The following PDE7B variants were observed in gnomAD, a reference collection of about 807,000 sequenced individuals.
PDE7B encodes phosphodiesterase 7B.
PDE7B carries 29 observed loss-of-function variants against 56.2 expected under a neutral mutation model. The ratio of observed to expected loss-of-function variants is 0.52; its 90% CI spans 0.38 to 0.70. PDE7B has a LOEUF of 0.70. PDE7B is among the 30% of genes least tolerant of loss of function. The probability of loss-of-function intolerance (pLI) is 0.00; values close to 1 mark genes in which losing one functional copy is unlikely to be tolerated. For synonymous variants in PDE7B, 197 were observed against 196.9 expected, an observed-to-expected ratio of 1.00 and a Z score of 0.00; for missense variants, 490 against 565.0, an observed-to-expected ratio of 0.87 and a Z score of 1.35.
chr6:135,925,939 G>A (rs886553299), intron 1 of PDE7B, among the ~76,000 whole-genome samples: 5 of 152,030 alleles, frequency 3.3e-5, no homozygotes, highest in African/African-American at 1.2e-4. Context: ...CCCATCGCTA[G>A]GTTCATGGCT....
At chr6:136,151,374 T>C in intron 6 of PDE7B, 119 bp downstream of exon 6, 1 of 581,772 alleles carries the variant, frequency 1.7e-6, no homozygotes, top group Non-Finnish European at 3.1e-6. Flanking sequence ...CAATTAATCT[T>C]AAATGGTCTC....
chr6:135,958,340 G>C (rs1477924754), intron 2 of PDE7B, among the ~76,000 whole-genome samples: 1 of 152,088 alleles, frequency 6.6e-6, no homozygotes, highest in Non-Finnish European at 1.5e-5. Flanking sequence ...AGTCCATCTA[G>C]GAATCTTTGT....
At chr6:135,967,433 C>T (rs1287355673) in intron 2 of PDE7B, among the ~76,000 whole-genome samples, 1 of 152,146 alleles carries the variant, frequency 6.6e-6, no homozygotes, top group Non-Finnish European at 1.5e-5. Flanking sequence ...GTTGAGTGAA[C>T]CACATTTTTC....
intron 12 of PDE7B, among the ~76,000 whole-genome samples, chr6:136,190,679 C>A (rs780455103): frequency 6.6e-6 from 1 of 152,014 alleles, no homozygotes; most frequent in African/African-American, 2.4e-5. Context: ...AGCACATTAA[C>A]GCGGCAAAAC....
intron 2 of PDE7B, among the ~76,000 whole-genome samples, chr6:136,050,993 T>G (rs866012753): frequency 2.6e-5 from 4 of 152,114 alleles, no homozygotes; most frequent in African/African-American, 9.7e-5. Context: ...CCCAAATAAG[T>G]CAATAGTTAG....
chr6:135,999,726 G>A (rs1184673248), intron 2 of PDE7B, among the ~76,000 whole-genome samples: 1 of 151,482 alleles, frequency 6.6e-6, no homozygotes, highest in Non-Finnish European at 1.5e-5. Flanking sequence ...ATGAACATAT[G>A]CATGCATGTG....
chr6:135,865,135 AATG>A (rs781469341), intron 1 of PDE7B, among the ~76,000 whole-genome samples: 34 of 152,166 alleles, frequency 2.2e-4, no homozygotes, highest in Non-Finnish European at 4.1e-4. Flanking sequence ...AGCCATAAAA[AATG>A]ATGAGTTCAT....
At chr6:136,021,454 G>A (rs958704717) in intron 2 of PDE7B, among the ~76,000 whole-genome samples, 8 of 152,048 alleles carry the variant, frequency 5.3e-5, no homozygotes, top group Admixed American at 3.3e-4. Flanking sequence ...AGACCAGCCT[G>A]GCCAACATGA....
At chr6:136,120,149 A>G (rs758208921) in intron 3 of PDE7B, among the ~76,000 whole-genome samples, 21 of 152,228 alleles carry the variant, frequency 1.4e-4, no homozygotes, top group Non-Finnish European at 2.6e-4. Flanking sequence ...TTCCCATTTA[A>G]GAAGGGCATA....
At chr6:136,071,278 A>G (rs1668625883) in intron 2 of PDE7B, 1 of 152,196 alleles carries the variant, frequency 6.6e-6, no homozygotes, top group African/African-American at 2.4e-5. Flanking sequence ...GCCAGTCAAG[A>G]TGGTTCAGTT....
chr6:136,083,889 C>T (rs540678124), intron 2 of PDE7B, among the ~76,000 whole-genome samples: 2 of 152,048 alleles, frequency 1.3e-5, no homozygotes, highest in Non-Finnish European at 2.9e-5. Context: ...AGACATAGCT[C>T]CCTAATATCA....
chr6:136,131,117 G>T (rs1415755767), intron 3 of PDE7B, among the ~76,000 whole-genome samples: 2 of 152,158 alleles, frequency 1.3e-5, no homozygotes, highest in African/African-American at 4.8e-5. Context: ...ATATTTATTG[G>T]TGGAGGCTTC....
chr6:136,000,601 A>G (rs1775648057), intron 2 of PDE7B, among the ~76,000 whole-genome samples: 1 of 152,046 alleles, frequency 6.6e-6, no homozygotes, highest in Non-Finnish European at 1.5e-5. Context: ...TGTTCCATGT[A>G]TCTATGTATC....
At chr6:136,190,705 CAAATCTT>C (rs1428186264) in intron 12 of PDE7B, among the ~76,000 whole-genome samples, 1 of 152,064 alleles carries the variant, frequency 6.6e-6, no homozygotes, top group African/African-American at 2.4e-5. Flanking sequence ...TAGAAAGTAA[CAAATCTT>C]AAATATGTAA....
chr6:135,951,553 C>T lies in PDE7B; in HGVS notation c.82+4029C>T, dbSNP rs149213304. Among the ~76,000 whole-genome samples, 1,013 of 152,160 alleles carry T rather than the reference C, an allele frequency of 6.7e-3. 9 individuals carry two copies. Among genetic ancestry groups the T allele is most frequent in the African/African-American group, 0.023 (950 of 41,516 alleles). On this transcript the variant is annotated intron_variant, in intron 2 of 12. Transcript: ENST00000308191. ...CATTTGTGAACCTTGCTCTGTGAAA[C>T]GATAAATCATGGGAAAAGAAACTTT...
intron 1 of PDE7B, among the ~76,000 whole-genome samples, chr6:135,942,859 TTG>T (rs145548777): frequency 1.3e-5 from 2 of 151,318 alleles, no homozygotes; most frequent in African/African-American, 2.4e-5. Context: ...TAATATTCCA[TTG>T]TGTGTGTGTG....
intron 3 of PDE7B, among the ~76,000 whole-genome samples, chr6:136,142,294 G>C (rs1778339626): frequency 6.6e-6 from 1 of 152,150 alleles, no homozygotes; most frequent in African/African-American, 2.4e-5. Flanking sequence ...CTGAGTTCTA[G>C]TTTGATTGCA....
intron 1 of PDE7B, among the ~76,000 whole-genome samples, chr6:135,919,535 C>T (rs904994597): frequency 2.0e-5 from 3 of 152,204 alleles, no homozygotes; most frequent in African/African-American, 7.2e-5. Flanking sequence ...AGTAGTACAT[C>T]CCTACTGTGA....
intron 2 of PDE7B, among the ~76,000 whole-genome samples, chr6:136,050,146 T>C (rs1776599014): frequency 6.6e-6 from 1 of 152,208 alleles, no homozygotes. Context: ...ATAATCTCTC[T>C]AAATCCAATT....
Sources: gnomAD v4.1 joint callset for allele counts (sites outside exome capture counted in the v4.1 genomes callset) on GRCh38, gnomAD v4.1.1 for gene constraint, MANE v1.5 for transcripts, NCBI Gene and HGNC (gene_info 2026-07-23, HGNC 2026-07-21) for gene names.